PPHLN1: variants seen among roughly 807,000 people sequenced by gnomAD.
PPHLN1 encodes the protein periphilin 1.
PPHLN1 carries 29 observed loss-of-function variants against 51.3 expected under a neutral mutation model. That is an observed-to-expected ratio of 0.57 (90% CI 0.42 to 0.77). The LOEUF (loss-of-function observed/expected upper bound fraction) is 0.77, where lower values mean the gene tolerates loss of function less well. PPHLN1 is among the 30% of genes least tolerant of loss of function. The pLI is 0.00. For missense variants in PPHLN1, 436 were observed against 438.4 expected (o/e 0.99, Z 0.05); for synonymous variants, 147 against 147.8 (o/e 0.99, Z 0.04).
rs972533335 is a variant in PPHLN1, at chr12:42,400,839, C to T, written c.909+1845C>T. 1.2e-4 allele frequency among the ~76,000 whole-genome samples: 18 copies of T among 151,466 alleles called. No homozygotes were observed. The South Asian group carries it at 1.3e-3, about 11-fold the overall frequency. On this transcript the variant is annotated intron_variant, in intron 9 of 9. Transcript: ENST00000358314. Reference sequence around the variant, plus strand: ...ACACACACACACACACACACGTGCACGCAAGTGGCTATACTCTGTATGCTG... The same window carrying T: ...ACACACACACACACACACACGTGCATGCAAGTGGCTATACTCTGTATGCTG...
At chr12:42,420,497 C>G (rs1000754247) in intron 9 of PPHLN1, among the ~76,000 whole-genome samples, 1 of 148,614 alleles carries the variant, frequency 6.7e-6, no homozygotes, top group Non-Finnish European at 1.5e-5. Flanking sequence ...GAGATGGAGT[C>G]TCACTTTCTT....
rs77028769 is a variant in PPHLN1 at position 42,396,396 on chromosome 12, C to T, written c.769-2458C>T. On this transcript the variant is annotated intron_variant, in intron 8 of 9. Transcript: ENST00000358314. ...TGTGTCAGACATTGCTTTTGAGGTACCATCCTAGCCATCAAGAAGGTTGCA... is the reference window on the plus strand; with the variant it reads ...TGTGTCAGACATTGCTTTTGAGGTATCATCCTAGCCATCAAGAAGGTTGCA... Among the ~76,000 whole-genome samples the T allele has an allele frequency of 7.2e-3, 1,089 of 151,890 alleles. 42 individuals carry two copies. The East Asian group carries it at 0.091, about 13-fold the overall frequency.
chr12:42,410,766 A>G (rs1481158441), intron 9 of PPHLN1, among the ~76,000 whole-genome samples: 1 of 152,240 alleles, frequency 6.6e-6, no homozygotes, highest in Non-Finnish European at 1.5e-5. Flanking sequence ...ATGGTTTTCA[A>G]AACACACAAG....
chr12:42,358,265 A>C (rs772921302), intron 4 of PPHLN1, among the ~76,000 whole-genome samples: 90 of 152,126 alleles, frequency 5.9e-4, no homozygotes, highest in Non-Finnish European at 1.6e-4. Flanking sequence ...ATAACATTTT[A>C]CATAAATGAA....
chr12:42,442,855 A>G, downstream of PPHLN1: 7 of 1,496,622 alleles, frequency 4.7e-6, no homozygotes, highest in Non-Finnish European at 6.3e-6. Flanking sequence ...AAAGTATTGA[A>G]ACAACTGCTT....
At position 42,351,910 on chromosome 12, in the gene PPHLN1, T is replaced by C. The variant is rs368671081; in HGVS notation, c.98T>C (p.Ile33Thr). 12 of 1,579,896 alleles carry C rather than the reference T, an allele frequency of 7.6e-6. No homozygotes were observed. The highest frequency in any genetic ancestry group is 9.4e-6 in the Non-Finnish European group (11 of 1,168,864). ...GATGGCTACAATAGACTAGTTAATA[T>C]TGTGCCAAAGAAACCACCACTGCTA... ...PSDGYNRLVNIVPKKPPLLDR... is the reference protein window; with the variant it reads ...PSDGYNRLVNTVPKKPPLLDR... Residue 33 changes from isoleucine to threonine, a missense_variant, in exon 3 of 10, where the codon ATT (isoleucine) becomes ACT (threonine). Physicochemically the swap from Ile to Thr is moderately conservative, Grantham distance 89 (BLOSUM62 -1). Transcript: ENST00000358314.
intron 9 of PPHLN1, among the ~76,000 whole-genome samples, chr12:42,417,396 T>C (rs1352158158): frequency 6.6e-6 from 1 of 151,868 alleles, no homozygotes; most frequent in Non-Finnish European, 1.5e-5. Flanking sequence ...GCAGTTTTGC[T>C]AAGAGTAGGG....
At chr12:42,397,532 G>A (rs2078355757) in intron 8 of PPHLN1, among the ~76,000 whole-genome samples, 1 of 151,382 alleles carries the variant, frequency 6.6e-6, no homozygotes, top group African/African-American at 2.4e-5. Flanking sequence ...TTGCTCACCA[G>A]TTTACACATT....
chr12:42,387,367 A>T, intron 6 of PPHLN1, 89 bp from the exon 7 acceptor site: 1 of 1,381,472 alleles, frequency 7.2e-7, no homozygotes, highest in Non-Finnish European at 9.8e-7. Context: ...AAATAAGTGT[A>T]TGACCCCCAC....
At chr12:42,420,005 G>A (rs1218104596) in intron 9 of PPHLN1, among the ~76,000 whole-genome samples, 7 of 152,142 alleles carry the variant, frequency 4.6e-5, no homozygotes, top group Admixed American at 2.6e-4. Flanking sequence ...GACTTTTAAA[G>A]TTATATTTAG....
At chr12:42,431,800 T>C (rs2082059062) in intron 9 of PPHLN1, 8 of 1,219,228 alleles carry the variant, frequency 6.6e-6, no homozygotes, top group Non-Finnish European at 9.8e-6. Context: ...TTTATTGCCT[T>C]TTCTGAAGGA....
chr12:42,360,117 A>AAAAAG (rs2074472002), intron 4 of PPHLN1, among the ~76,000 whole-genome samples: 1 of 151,184 alleles, frequency 6.6e-6, no homozygotes, highest in Non-Finnish European at 1.5e-5. Context: ...TCTCAAAAAA[A>AAAAAG]AAAAAAGAAA....
intron 4 of PPHLN1, among the ~76,000 whole-genome samples, chr12:42,374,415 T>C (rs921900590): frequency 2.0e-5 from 3 of 147,690 alleles, no homozygotes; most frequent in African/African-American, 5.0e-5. Flanking sequence ...TAGGTAGTGA[T>C]AGAAAAAGAG....
Position 42,441,402 on chromosome 12 carries a change from G to T in PPHLN1, c.997G>T (p.Ala333Ser), listed in dbSNP as rs745819511. Residue 333 changes from alanine (A) to serine (S), a missense_variant, in exon 10 of 10, where the codon GCA becomes TCA. Coordinates refer to ENST00000358314, the MANE Select transcript of PPHLN1 (RefSeq NM_201439.2). ...TTCATTAGAAAAGTCTATACAGTTT[G>T]CATTGAGGCAGAATTTACATGAAAT... is the stretch of plus-strand genomic sequence containing the variant. ...DPSLEKSIQF[A>S]LRQNLHEIGE... The T allele has an allele frequency of 1.9e-6, 3 of 1,613,966 alleles. No homozygotes were observed. In the South Asian group the frequency reaches 3.3e-5, roughly 18 times the overall value.
At position 42,374,460 on chromosome 12, in the gene PPHLN1, G is replaced by A. The variant is rs187606728; in HGVS notation, c.300-403G>A. Among the ~76,000 whole-genome samples, 236 of 150,966 alleles carry A rather than the reference G, an allele frequency of 1.6e-3. 2 individuals carry two copies. Among genetic ancestry groups the A allele is most frequent in the African/African-American group, 5.0e-3 (207 of 41,098 alleles). ...TACAAATTTTTTTTTCTTTATTTTT[G>A]AGACAGTCTCGCTCTGTTGCCCAGG... On this transcript the variant is annotated intron_variant, in intron 4 of 9. Transcript: ENST00000358314.
intron 9 of PPHLN1, among the ~76,000 whole-genome samples, chr12:42,435,369 C>G (rs760564586): frequency 3.3e-5 from 5 of 152,162 alleles, no homozygotes; most frequent in Non-Finnish European, 5.9e-5. Context: ...GTTCATAATG[C>G]ATTTCTTAGC....
intron 9 of PPHLN1, among the ~76,000 whole-genome samples, chr12:42,437,926 T>C (rs1186295555): frequency 1.3e-5 from 2 of 152,228 alleles, no homozygotes; most frequent in African/African-American, 2.4e-5. Flanking sequence ...CAGAATGTCA[T>C]ATAGTTGGTA....
intron 9 of PPHLN1, chr12:42,399,205 A>C: frequency 1.7e-6 from 2 of 1,202,030 alleles, no homozygotes; most frequent in Non-Finnish European, 2.1e-6. Flanking sequence ...AATAAAAAAC[A>C]GACTTCTTTT....
intron 2 of PPHLN1, among the ~76,000 whole-genome samples, chr12:42,337,202 C>T (rs1203093662): frequency 6.6e-6 from 1 of 151,112 alleles, no homozygotes; most frequent in Non-Finnish European, 1.5e-5. Flanking sequence ...TCTCCCCTCT[C>T]CCCTCTGCCA....
Sources: gnomAD v4.1 joint callset for allele counts (sites outside exome capture counted in the v4.1 genomes callset) on GRCh38, gnomAD v4.1.1 for gene constraint, MANE v1.5 for transcripts, NCBI Gene and HGNC (gene_info 2026-07-23, HGNC 2026-07-21) for gene names.